BCL2: variants seen among roughly 807,000 people sequenced by gnomAD.
BCL2 encodes apoptosis regulator Bcl-2.
Under a neutral mutation model 14.2 loss-of-function variants are expected in BCL2, and 1 was observed. That is an observed-to-expected ratio of 0.07 (90% CI 0.02 to 0.33). The LOEUF is 0.33. Ranked by LOEUF, BCL2 falls within the 10% of genes least tolerant of loss-of-function variation. The pLI is 0.99. For synonymous variants in BCL2, 151 were observed against 137.2 expected (o/e 1.10, Z -0.70); for missense variants, 247 against 305.9 (o/e 0.81, Z 1.44).
chr18:63,231,658 GA>G (rs1391433333), intron 2 of BCL2, among the ~76,000 whole-genome samples: 4 of 150,734 alleles, frequency 2.7e-5, no homozygotes, highest in Non-Finnish European at 5.9e-5. Flanking sequence ...GGCCTATATG[GA>G]AAAAAAAATT....
intron 2 of BCL2, among the ~76,000 whole-genome samples, chr18:63,208,589 T>C (rs1287403042): frequency 2.6e-5 from 4 of 151,536 alleles, no homozygotes; most frequent in African/African-American, 9.7e-5. Context: ...GGATGGTGTA[T>C]CTGGGGGCTG....
chr18:63,296,192 T>C (rs1434553429), intron 2 of BCL2, among the ~76,000 whole-genome samples: 1 of 152,188 alleles, frequency 6.6e-6, no homozygotes, highest in East Asian at 1.9e-4. Context: ...TTTCCATGCA[T>C]AAATTTTAGT....
rs1913870203 is a variant in BCL2, at chr18:63,124,878, A to C, written c.*3747T>G. ...TTTTTCTCTGATAGAGTAGGTGTAC[A>C]TTACTAACTATAAGTGATAAGAAAG... On this transcript the variant is annotated 3_prime_UTR_variant, in exon 3 of 3. Transcript: ENST00000333681. 2 of 226,478 alleles carry C rather than the reference A, an allele frequency of 8.8e-6. No homozygotes were observed. Among genetic ancestry groups the C allele is most frequent in the Non-Finnish European group, 1.8e-5 (2 of 113,484 alleles). 14.0% of individuals were successfully genotyped at this position (226,478 alleles called of 1,614,324 possible).
At chr18:63,289,358 G>A (rs969638031) in intron 2 of BCL2, among the ~76,000 whole-genome samples, 5 of 152,200 alleles carry the variant, frequency 3.3e-5, no homozygotes, top group African/African-American at 4.8e-5. Context: ...CATCCTGAAG[G>A]TGAGATCAGA....
intron 2 of BCL2, among the ~76,000 whole-genome samples, chr18:63,153,968 T>G (rs1037730744): frequency 6.6e-6 from 1 of 152,220 alleles, no homozygotes; most frequent in African/African-American, 2.4e-5. Context: ...AACCCTATTG[T>G]GAAGCCTTTA....
chr18:63,243,174 T>C (rs1173753414), intron 2 of BCL2, among the ~76,000 whole-genome samples: 1 of 152,178 alleles, frequency 6.6e-6, no homozygotes, highest in African/African-American at 2.4e-5. Context: ...ATACTTACTA[T>C]ACAGCCATAA....
chr18:63,154,179 A>G (rs1020671092), intron 2 of BCL2, among the ~76,000 whole-genome samples: 2 of 151,958 alleles, frequency 1.3e-5, no homozygotes, highest in African/African-American at 4.8e-5. Flanking sequence ...GGTGATCCTC[A>G]ACTCCTCCCT....
At chr18:63,169,156 G>A (rs1035665072) in intron 2 of BCL2, among the ~76,000 whole-genome samples, 3 of 152,118 alleles carry the variant, frequency 2.0e-5, no homozygotes, top group East Asian at 1.9e-4. Context: ...TTTCCTAATC[G>A]ATTCCATGGA....
intron 2 of BCL2, among the ~76,000 whole-genome samples, chr18:63,229,561 AAAG>A (rs1262880965): frequency 6.6e-6 from 1 of 152,054 alleles, no homozygotes; most frequent in Non-Finnish European, 1.5e-5. Flanking sequence ...TAGTTGTTTC[AAAG>A]TGTTTGGCAC....
At chr18:63,253,200 C>T (rs538630425) in intron 2 of BCL2, among the ~76,000 whole-genome samples, 38 of 152,276 alleles carry the variant, frequency 2.5e-4, no homozygotes, top group African/African-American at 8.4e-4. Context: ...TGCTGTAATA[C>T]GTGGCACTTA....
chr18:63,134,848 T>C (rs906031313), intron 2 of BCL2, among the ~76,000 whole-genome samples: 1 of 152,198 alleles, frequency 6.6e-6, no homozygotes, highest in African/African-American at 2.4e-5. Context: ...CAAACACAGC[T>C]ATCGAATGAC....
At chr18:63,304,308 A>G (rs1913054477) in intron 2 of BCL2, among the ~76,000 whole-genome samples, 1 of 152,194 alleles carries the variant, frequency 6.6e-6, no homozygotes, top group Non-Finnish European at 1.5e-5. Context: ...CAGTAAACAA[A>G]TATTTATAAA....
chr18:63,306,842 C>CT (rs11407054), intron 2 of BCL2, among the ~76,000 whole-genome samples: 74,212 of 140,884 alleles, frequency 0.53, 20,433 homozygotes, highest in African/African-American at 0.72. Flanking sequence ...TTTTTTTGTG[C>CT]TTTTTTTTTT....
At chr18:63,232,476 G>A (rs1440907166) in intron 2 of BCL2, among the ~76,000 whole-genome samples, 1 of 152,050 alleles carries the variant, frequency 6.6e-6, no homozygotes, top group African/African-American at 2.4e-5. Flanking sequence ...AAAGTCTAGA[G>A]TCAGGTAATA....
At chr18:63,129,210 G>T (rs115679407) in intron 2 of BCL2, among the ~76,000 whole-genome samples, 1,880 of 152,072 alleles carry the variant, frequency 0.012, 45 homozygotes, top group African/African-American at 0.043. Flanking sequence ...GATGATGACC[G>T]TCACACTCCT....
At chr18:63,257,818 G>A (rs922267403) in intron 2 of BCL2, among the ~76,000 whole-genome samples, 6 of 152,186 alleles carry the variant, frequency 3.9e-5, no homozygotes, top group African/African-American at 7.2e-5. Flanking sequence ...GTGGAGGGAC[G>A]GAGCATGGAG....
intron 2 of BCL2, among the ~76,000 whole-genome samples, chr18:63,214,731 G>A (rs1454207555): frequency 6.6e-6 from 1 of 150,780 alleles, no homozygotes; most frequent in African/African-American, 2.4e-5. Context: ...CTATTTTTGA[G>A]ACATACGCTC....
At chr18:63,171,021 A>T (rs1915208743) in intron 2 of BCL2, among the ~76,000 whole-genome samples, 1 of 152,252 alleles carries the variant, frequency 6.6e-6, no homozygotes, top group Admixed American at 6.5e-5. Context: ...TTTTGAAATA[A>T]TGCTAGTAAA....
At chr18:63,225,238 ACACTAGGGG>A (rs1395307689) in intron 2 of BCL2, among the ~76,000 whole-genome samples, 1 of 152,206 alleles carries the variant, frequency 6.6e-6, no homozygotes, top group African/African-American at 2.4e-5. Context: ...AATAGTGAAA[ACACTAGGGG>A]CTGATTTACC....
Sources: allele counts gnomAD v4.1 joint callset (sites outside exome capture counted in the v4.1 genomes callset), GRCh38; gene constraint gnomAD v4.1.1; transcripts MANE v1.5; gene names NCBI Gene and HGNC (gene_info 2026-07-23, HGNC 2026-07-21).